The following LRP1B variants were observed in gnomAD, a reference collection of about 807,000 sequenced individuals.
LRP1B encodes the protein low-density lipoprotein receptor-related protein 1B.
A neutral mutation model predicts 556.6 loss-of-function variants in LRP1B; 217 were observed. The observed-to-expected ratio is 0.39, with a 90% CI of 0.35 to 0.44. The LOEUF is 0.44. LRP1B is among the 20% of genes least tolerant of loss of function. LRP1B has a pLI of 1.00. For missense variants in LRP1B, 5,053 were observed against 5,620.8 expected (o/e 0.90, Z 3.23); for synonymous variants, 2,047 against 1,865.8 (o/e 1.10, Z -2.50).
At chr2:140,493,773 G>T in intron 56 of LRP1B, among the ~76,000 whole-genome samples, 1 of 151,852 alleles carries the variant, frequency 6.6e-6, no homozygotes, top group East Asian at 1.9e-4. Context: ...TTGTCTTTTA[G>T]TTTTGTAATT....
intron 6 of LRP1B, among the ~76,000 whole-genome samples, chr2:141,206,190 CTG>C (rs1189957663): frequency 4.6e-5 from 7 of 152,002 alleles, no homozygotes; most frequent in African/African-American, 1.7e-4. Flanking sequence ...ACCAAGAAAA[CTG>C]TTTTTAAGAT....
Position 140,648,603 on chromosome 2 carries a change from A to G in LRP1B, c.6800-46964T>C, listed in dbSNP as rs562224405. Among the ~76,000 whole-genome samples, 56 of 152,138 alleles carry G rather than the reference A, an allele frequency of 3.7e-4. No homozygotes were observed. The South Asian group carries it at 0.011, about 31-fold the overall frequency. The stretch of plus-strand genomic sequence containing the variant: ...ATAAGAAAAATGTTGATAAGTAGGA[A>G]TAGAGGGTGGGGCCGGGTTCAGGGG... On this transcript the variant is annotated intron_variant, in intron 41 of 90. Coordinates refer to ENST00000389484, the MANE Select transcript of LRP1B (RefSeq NM_018557.3).
chr2:140,591,955 A>T (rs2105168853), intron 43 of LRP1B, among the ~76,000 whole-genome samples: 1 of 152,284 alleles, frequency 6.6e-6, no homozygotes, highest in African/African-American at 2.4e-5. Flanking sequence ...TACTCTCAGT[A>T]TTTGAGTAGT....
intron 2 of LRP1B, among the ~76,000 whole-genome samples, chr2:141,481,791 A>T (rs375404220): frequency 1.3e-4 from 20 of 152,164 alleles, no homozygotes; most frequent in Non-Finnish European, 2.6e-4. Context: ...AGCAAGCTAT[A>T]TATCAAGTCT....
At chr2:141,610,604 C>T (rs1363803593) in intron 2 of LRP1B, among the ~76,000 whole-genome samples, 2 of 152,146 alleles carry the variant, frequency 1.3e-5, no homozygotes, top group Non-Finnish European at 2.9e-5. Flanking sequence ...TACCTCATTG[C>T]ATCCTGCGCG....
At chr2:141,070,392 A>G (rs1699604798) in intron 7 of LRP1B, among the ~76,000 whole-genome samples, 1 of 151,572 alleles carries the variant, frequency 6.6e-6, no homozygotes, top group Admixed American at 6.6e-5. Flanking sequence ...AATGCCCACA[A>G]GAGAAAGCAG....
rs545782135 is a variant in LRP1B, at chr2:141,615,444, T to C, written c.206-134911A>G. ...CATTTCCCAAATGCCCTGACACTCA[T>C]AGATGATCAATATGAGTTAAGAAAT... On this transcript the variant is annotated intron_variant, in intron 2 of 90. Transcript: ENST00000389484. 4.5e-4 allele frequency among the ~76,000 whole-genome samples: 68 copies of C among 152,290 alleles called. No individual in the cohort carries two copies. The Middle Eastern group carries it at 0.01, about 23-fold the overall frequency.
intron 7 of LRP1B, among the ~76,000 whole-genome samples, chr2:141,110,249 A>G (rs1450851685): frequency 6.6e-6 from 1 of 151,244 alleles, no homozygotes. Context: ...ATATAAATTT[A>G]ATTTTATATC....
chr2:142,124,008 TAG>T (rs1210093705), intron 1 of LRP1B, among the ~76,000 whole-genome samples: 3 of 151,800 alleles, frequency 2.0e-5, no homozygotes, highest in African/African-American at 7.3e-5. Flanking sequence ...CAAATATGAG[TAG>T]AGTTATTGAA....
In LRP1B at chr2:141,270,962, A is replaced by G. The variant is rs74446805; in HGVS notation, c.344-16321T>C. 9.3e-3 allele frequency among the ~76,000 whole-genome samples: 1,408 copies of G among 152,160 alleles called. 15 individuals are homozygous for G. The highest frequency in any genetic ancestry group is 0.039 in the East Asian group (201 of 5,188). On this transcript the variant is annotated intron_variant, in intron 3 of 90. Transcript: ENST00000389484. ...TTTTATATTATATGTGTGTTACCAC[A>G]ATAAAAGTAGTAAAAAGAAAATTAA...
chr2:140,371,170 A>T lies in LRP1B; in HGVS notation c.10875+9T>A, dbSNP rs2105166593. 6.6e-7 allele frequency: 1 copy of T among 1,506,368 alleles called. No homozygotes were observed. Among genetic ancestry groups the T allele is most frequent in the South Asian group, 1.3e-5 (1 of 79,576 alleles). The allele number at this position is 1,506,368 out of a possible 1,614,324, so 93.3% of individuals were successfully genotyped here. On this transcript the variant is annotated intron_variant, in intron 70 of 90. Coordinates refer to ENST00000389484, the MANE Select transcript of LRP1B (RefSeq NM_018557.3). ...AATTCAAATATTTTAATTAAACAAT[A>T]TATTTTACCTCATCTGAACCATCAG...
chr2:141,302,355 C>T (rs1055027730), intron 3 of LRP1B, among the ~76,000 whole-genome samples: 6 of 152,040 alleles, frequency 3.9e-5, no homozygotes, highest in African/African-American at 1.2e-4. Context: ...TTTATTTTCT[C>T]AAGTCTACCC....
intron 2 of LRP1B, among the ~76,000 whole-genome samples, chr2:141,788,983 A>G (rs986720830): frequency 5.3e-5 from 8 of 152,076 alleles, no homozygotes; most frequent in East Asian, 1.9e-4. Flanking sequence ...GAATAGTGCC[A>G]CAATAAACAT....
chr2:140,465,728 A>AAAAAAAAAAAAAAAG lies in LRP1B; in HGVS notation c.9626-8078_9626-8077insCTTTTTTTTTTTTTT, dbSNP rs1212346708. Among the ~76,000 whole-genome samples, 354 of 151,490 alleles carry AAAAAAAAAAAAAAAG rather than the reference A, an allele frequency of 2.3e-3. 1 individual carries two copies. The highest frequency in any genetic ancestry group is 7.9e-3 in the African/African-American group (323 of 40,928). ...GGCACTCATGACATTTGCAAAAAAAAAAAAAAGAAAAAAACTCCCTAAACA... is the reference window on the plus strand; with the variant it reads ...GGCACTCATGACATTTGCAAAAAAAAAAAAAAAAAAAAAAGAAAAAAGAAAAAAACTCCCTAAACA... On this transcript the variant is annotated intron_variant, in intron 60 of 90. Coordinates refer to ENST00000389484, the MANE Select transcript of LRP1B (RefSeq NM_018557.3).
At chr2:140,403,479 A>C (rs2105232746) in intron 66 of LRP1B, among the ~76,000 whole-genome samples, 1 of 152,316 alleles carries the variant, frequency 6.6e-6, no homozygotes, top group Non-Finnish European at 1.5e-5. Context: ...AATACAAAAT[A>C]AAGTGACAAG....
intron 3 of LRP1B, among the ~76,000 whole-genome samples, chr2:141,329,386 C>CAAAAAAA (rs3038417): frequency 9.0e-6 from 1 of 111,730 alleles, no homozygotes; most frequent in Non-Finnish European, 1.8e-5. Context: ...AAAACTCCGT[C>CAAAAAAA]AAAAAAAAAA....
intron 2 of LRP1B, among the ~76,000 whole-genome samples, chr2:141,643,304 A>T (rs1190041124): frequency 6.6e-6 from 1 of 152,178 alleles, no homozygotes; most frequent in Non-Finnish European, 1.5e-5. Context: ...GACTCCAGAA[A>T]ATTGTATTTC....
At chr2:141,644,443 C>T (rs1443311302) in intron 2 of LRP1B, among the ~76,000 whole-genome samples, 1 of 152,060 alleles carries the variant, frequency 6.6e-6, no homozygotes, top group Non-Finnish European at 1.5e-5. Context: ...TCCATCAAAC[C>T]TCTTTCTTTT....
chr2:141,592,499 T>C (rs1449963339), intron 2 of LRP1B, among the ~76,000 whole-genome samples: 1 of 152,154 alleles, frequency 6.6e-6, no homozygotes, highest in Non-Finnish European at 1.5e-5. Context: ...TGTGACCCCA[T>C]ATGATGATGG....
Sources: allele counts gnomAD v4.1 joint callset (sites outside exome capture counted in the v4.1 genomes callset), GRCh38; gene constraint gnomAD v4.1.1; transcripts MANE v1.5; gene names NCBI Gene and HGNC (gene_info 2026-07-23, HGNC 2026-07-21).